Variants in RAD50 observed in about 807,000 individuals in gnomAD.
The protein encoded by RAD50 is RAD50 double strand break repair protein, also known as DNA repair protein RAD50.
In RAD50, 132 loss-of-function variants were observed where a neutral mutation model predicts 168.8. The ratio of observed to expected loss-of-function variants is 0.78; its 90% CI spans 0.68 to 0.90. The LOEUF (loss-of-function observed/expected upper bound fraction) is 0.90, where lower values mean the gene tolerates loss of function less well. RAD50 is among the 40% of genes least tolerant of loss of function. The probability of loss-of-function intolerance (pLI) is 0.00; values close to 1 mark genes in which losing one functional copy is unlikely to be tolerated. For missense variants in RAD50, 1,347 were observed against 1,534.4 expected (o/e 0.88, Z 2.04); for synonymous variants, 525 against 497.4 (o/e 1.06, Z -0.74).
intron 21 of RAD50, among the ~76,000 whole-genome samples, chr5:132,633,888 G>A (rs1012238567): frequency 6.8e-6 from 1 of 147,100 alleles, no homozygotes; most frequent in African/African-American, 2.6e-5. Flanking sequence ...TTTGAGGTTG[G>A]ATAACGGGTA....
chr5:132,633,463 T>C (rs889764004), intron 21 of RAD50, among the ~76,000 whole-genome samples: 5 of 152,178 alleles, frequency 3.3e-5, no homozygotes, highest in South Asian at 2.1e-4. Flanking sequence ...GTCAAATCTT[T>C]AGTCTTTTGA....
chr5:132,560,031 A>G (rs1371148255), intron 2 of RAD50, among the ~76,000 whole-genome samples: 1 of 151,298 alleles, frequency 6.6e-6, no homozygotes, highest in Non-Finnish European at 1.5e-5. Context: ...GTTTTTGCAC[A>G]TATAGAAGTG....
Position 132,578,048 on chromosome 5 carries a change from C to T in RAD50, c.366-1269C>T, listed in dbSNP as rs143912630. On this transcript the variant is annotated intron_variant, in intron 3 of 24. Transcript: ENST00000378823. ...CAGAATGGTCTTGATCTCTTGACCT[C>T]GTGATCCGCCCACCTCAGCCTCCCA... 3.6e-3 allele frequency among the ~76,000 whole-genome samples: 552 copies of T among 152,136 alleles called. 4 individuals are homozygous for T. The highest frequency in any genetic ancestry group is 0.011 in the African/African-American group (464 of 41,516).
chr5:132,604,910 A>T lies in RAD50; in HGVS notation c.2629A>T (p.Ile877Leu). ...TNELKSEKLQ[I>L]STNLQRRQQL... ...TGAGCTAAAATCTGAGAAACTTCAG[A>T]TATCCACTAATTTGCAACGTCGTCA... The change falls in exon 16 of 25, where the codon ATA becomes TTA. Residue 877 changes from isoleucine (I) to leucine (L), a missense_variant. Coordinates refer to ENST00000378823, the MANE Select transcript of RAD50 (RefSeq NM_005732.4). 1 of 1,613,876 alleles carries T rather than the reference A, an allele frequency of 6.2e-7. No individual in the cohort carries two copies. Among genetic ancestry groups the T allele is most frequent in the East Asian group, 2.2e-5 (1 of 44,882 alleles).
chr5:132,571,153 C>A (rs144850313), intron 2 of RAD50, among the ~76,000 whole-genome samples: 208 of 151,948 alleles, frequency 1.4e-3, no homozygotes, highest in Middle Eastern at 3.4e-3. Flanking sequence ...TCACTTATCA[C>A]AGATCACTAT....
intron 9 of RAD50, among the ~76,000 whole-genome samples, chr5:132,590,537 G>A (rs550133247): frequency 1.3e-5 from 2 of 152,168 alleles, no homozygotes; most frequent in African/African-American, 4.8e-5. Flanking sequence ...GGTCACACAC[G>A]TTGTAATTCT....
intron 11 of RAD50, among the ~76,000 whole-genome samples, chr5:132,594,427 C>T (rs185641417): frequency 2.0e-3 from 303 of 152,004 alleles, no homozygotes; most frequent in Non-Finnish European, 3.1e-3. Flanking sequence ...CTGATCTGGA[C>T]GCAAGTGGAT....
At chr5:132,578,389 A>G (rs1580986445) in intron 3 of RAD50, among the ~76,000 whole-genome samples, 1 of 151,986 alleles carries the variant, frequency 6.6e-6, no homozygotes, top group Non-Finnish European at 1.5e-5. Flanking sequence ...CATCTCTACA[A>G]CCACCATTCT....
At chr5:132,639,607 G>T (rs959832805) in intron 23 of RAD50, among the ~76,000 whole-genome samples, 3 of 152,198 alleles carry the variant, frequency 2.0e-5, no homozygotes, top group African/African-American at 7.2e-5. Flanking sequence ...TGAGGAAAAA[G>T]ATTTTTTGTA....
rs1253904315 is a variant in RAD50 at position 132,591,404 on chromosome 5, A to G, written c.1633A>G (p.Lys545Glu). 3 of 1,612,674 alleles carry G rather than the reference A, an allele frequency of 1.9e-6. No homozygotes were observed. The highest frequency in any genetic ancestry group is 2.7e-5 in the African/African-American group (2 of 74,898). Residue 545 changes from lysine to glutamate, a missense_variant and splice_region_variant, in exon 10 of 25, where the codon AAA (lysine) becomes GAA (glutamate). By Grantham distance (56) the Lys-to-Glu change is moderately conservative. This residue lies in a region of RAD50 where 703 missense variants were observed against 767.7 expected (regional missense o/e 0.92). Transcript: ENST00000378823. ...CCAAATGGAGATGCTGACCAAAGACAAAGTATGATTTTTCTTTTTGTTCTA... is the reference window on the plus strand; with the variant it reads ...CCAAATGGAGATGCTGACCAAAGACGAAGTATGATTTTTCTTTTTGTTCTA... ...RTQMEMLTKD[K>E]ADKDEQIRKI... is the part of the protein sequence containing the mutation.
intron 21 of RAD50, among the ~76,000 whole-genome samples, chr5:132,620,811 G>A (rs1271939579): frequency 1.3e-5 from 2 of 152,136 alleles, no homozygotes; most frequent in South Asian, 2.1e-4. Flanking sequence ...CATATATTTT[G>A]TATGTTATGT....
In RAD50 at chr5:132,609,187, A is replaced by T; in HGVS notation, c.2900A>T (p.Asp967Val). 1.2e-6 allele frequency: 2 copies of T among 1,611,898 alleles called. No homozygotes were observed. The highest frequency in any genetic ancestry group is 1.7e-6 in the Non-Finnish European group (2 of 1,178,952). ...AAAGACATTGAGAATTATATTCAAG[A>T]TGGGAAAGACGACTATAAGAAGGTA... ...YMKDIENYIQDGKDDYKKQKE... is the reference protein window; with the variant it reads ...YMKDIENYIQVGKDDYKKQKE... The change falls in exon 18 of 25, where the codon GAT becomes GTT. Residue 967 changes from aspartate to valine, a missense_variant. Physicochemically the swap from Asp to Val is radical, Grantham distance 152 (BLOSUM62 -3). Transcript: ENST00000378823.
intron 21 of RAD50, among the ~76,000 whole-genome samples, chr5:132,624,113 A>G (rs1014468730): frequency 6.6e-6 from 1 of 152,212 alleles, no homozygotes; most frequent in Non-Finnish European, 1.5e-5. Context: ...TTCCATGGAT[A>G]TATCTTTTGT....
intron 2 of RAD50, among the ~76,000 whole-genome samples, chr5:132,560,691 T>C (rs936660767): frequency 7.2e-5 from 11 of 152,356 alleles, no homozygotes; most frequent in Admixed American, 5.2e-4. Flanking sequence ...CTAGATCTCA[T>C]TGATCCCTCT....
intron 19 of RAD50, among the ~76,000 whole-genome samples, chr5:132,613,720 C>T (rs1476379469): frequency 2.0e-5 from 3 of 151,296 alleles, no homozygotes; most frequent in African/African-American, 7.3e-5. Context: ...TCTCCTGCCT[C>T]AACCTGCCTG....
chr5:132,585,388 A>C (rs1021227945), intron 5 of RAD50, among the ~76,000 whole-genome samples: 5 of 151,976 alleles, frequency 3.3e-5, no homozygotes, highest in African/African-American at 4.8e-5. Context: ...GTAGTGTCTC[A>C]TTGTGACATT....
At chr5:132,608,525 A>C in intron 16 of RAD50, 90 bp from the exon 17 acceptor site, 1 of 1,154,242 alleles carries the variant, frequency 8.7e-7, no homozygotes, top group Non-Finnish European at 1.2e-6. Context: ...CCTGGCACAT[A>C]GAAAGTGCTT....
chr5:132,628,538 A>G (rs977417151), intron 21 of RAD50, among the ~76,000 whole-genome samples: 2 of 151,910 alleles, frequency 1.3e-5, no homozygotes, highest in African/African-American at 4.8e-5. Context: ...GTGGGGAGAG[A>G]ATGGGTAGTA....
chr5:132,614,420 C>T (rs1033419836), intron 19 of RAD50, among the ~76,000 whole-genome samples: 9 of 151,884 alleles, frequency 5.9e-5, no homozygotes, highest in African/African-American at 1.5e-4. Context: ...TTTTAGTCAC[C>T]TTTAACTGCC....
Sources: allele counts gnomAD v4.1 joint callset (sites outside exome capture counted in the v4.1 genomes callset), GRCh38; gene constraint gnomAD v4.1.1; regional missense constraint gnomAD v4.1.1; transcripts MANE v1.5; gene names NCBI Gene and HGNC (gene_info 2026-07-23, HGNC 2026-07-21).